MEST: variants seen among roughly 807,000 people sequenced by gnomAD.
The protein encoded by MEST is mesoderm specific transcript, also known as mesoderm-specific transcript homolog protein.
Under a neutral mutation model 50.9 loss-of-function variants are expected in MEST, and 18 were observed. The observed-to-expected ratio is 0.35, with a 90% confidence interval of 0.24 to 0.52. MEST has a LOEUF of 0.52. Ranked by LOEUF, MEST falls within the 20% of genes least tolerant of loss-of-function variation. The pLI, the probability that MEST is intolerant of heterozygous loss-of-function variation, is 0.94. For missense variants in MEST, 282 were observed against 425.3 expected (o/e 0.66, Z 2.96); for synonymous variants, 130 against 154.1 (o/e 0.84, Z 1.16).
upstream of MEST, chr7:130,489,900 G>A (rs1798734027): frequency 6.6e-6 from 1 of 152,120 alleles, no homozygotes; most frequent in African/African-American, 2.4e-5. Flanking sequence ...TTCAGAATAA[G>A]ATCTTTTGTG....
At chr7:130,494,662 A>G (rs1798971833) in intron 1 of MEST, 1 of 158,190 alleles carries the variant, frequency 6.3e-6, no homozygotes, top group Admixed American at 6.5e-5. Context: ...TGACCTCTCA[A>G]GAGATTAGAT....
intron 11 of MEST, among the ~76,000 whole-genome samples, chr7:130,504,519 G>A (rs907082318): frequency 2.6e-5 from 4 of 152,206 alleles, no homozygotes; most frequent in Non-Finnish European, 5.9e-5. Flanking sequence ...ATACAAGCTA[G>A]TAGTAAACAG....
Position 130,500,799 on chromosome 7 carries a change from G to A in MEST, c.658G>A (p.Val220Ile). The A allele has an allele frequency of 1.2e-6, 2 of 1,611,656 alleles. No individual in the cohort carries two copies. The highest frequency in any genetic ancestry group is 1.7e-6 in the Non-Finnish European group (2 of 1,179,212). ...TTTGGACTCTTTCAGTCTCACCCCAGTCTTTGGGCCGTATACTCGGCCCTC... is the reference window on the plus strand; with the variant it reads ...TTTGGACTCTTTCAGTCTCACCCCAATCTTTGGGCCGTATACTCGGCCCTC... Reference protein sequence around the residue: ...FFVFSRGLTPVFGPYTRPSES... With the variant: ...FFVFSRGLTPIFGPYTRPSES... The change falls in exon 9 of 12, where the codon GTC becomes ATC. Residue 220 changes from valine to isoleucine, a missense_variant. Val to Ile is a conservative substitution (Grantham distance 29). Transcript: ENST00000223215. This position sits in a 1 kb window ranked among gnomAD's most constrained non-coding sequence, Gnocchi z 5.0.
At chr7:130,503,822 A>G (rs2116303422) in intron 10 of MEST, 111 bp from the exon 11 acceptor site, 1 of 807,914 alleles carries the variant, frequency 1.2e-6, no homozygotes, top group African/African-American at 1.7e-5. Context: ...TGCCTATTAT[A>G]ATAAAAAAAG....
upstream of MEST, chr7:130,489,637 A>G (rs1456763386): frequency 1.3e-5 from 2 of 152,242 alleles, no homozygotes; most frequent in Non-Finnish European, 2.9e-5. Flanking sequence ...CCAAACAGGA[A>G]TATGCTTTCT....
intron 4 of MEST, 44 bp from the exon 5 acceptor site, chr7:130,498,095 T>A: frequency 1.2e-6 from 2 of 1,614,054 alleles, no homozygotes; most frequent in Non-Finnish European, 8.5e-7. Flanking sequence ...GAGAGAGCTG[T>A]CCTCATGACT....
In MEST at chr7:130,497,749, G is replaced by A. The variant is rs1395038468; in HGVS notation, c.262-187G>A. On this transcript the variant is annotated intron_variant, in intron 3 of 11. Transcript: ENST00000223215. The surrounding 1 kb of genome is among the most constrained non-coding windows in gnomAD (Gnocchi z 4.0). ...CTGCCAAGTTACCCTCCCTCAACAG[G>A]GATTAATTACCAGGAATAAAGCATT... 1.6e-6 allele frequency: 1 copy of A among 616,048 alleles called. No homozygotes were observed. Among genetic ancestry groups the A allele is most frequent in the African/African-American group, 1.8e-5 (1 of 54,286 alleles). The allele number at this position is 616,048 out of a possible 1,614,324, so 38.2% of individuals were successfully genotyped here.
Position 130,500,453 on chromosome 7 carries a change from C to G in MEST, c.577-9C>G, listed in dbSNP as rs1799232667. The G allele has an allele frequency of 6.2e-7, 1 of 1,612,494 alleles. No individual in the cohort carries two copies. The highest frequency in any genetic ancestry group is 8.5e-7 in the Non-Finnish European group (1 of 1,179,114). Reference sequence around the variant, plus strand: ...TTCTTGAGCTTTACCTCCACTTATTCCCCTCCAGCTACTCAAAGATGGAGG... The same window carrying G: ...TTCTTGAGCTTTACCTCCACTTATTGCCCTCCAGCTACTCAAAGATGGAGG... On this transcript the variant is annotated splice_polypyrimidine_tract_variant and intron_variant, in intron 7 of 11. Transcript: ENST00000223215. This position sits in a 1 kb window ranked among gnomAD's most constrained non-coding sequence, Gnocchi z 5.0.
rs1232179083 is a variant in MEST at position 130,492,193 on chromosome 7, C to A, written c.-121C>A. On this transcript the variant is annotated 5_prime_UTR_variant, in exon 1 of 12. Transcript: ENST00000223215. The surrounding 1 kb of genome is among the most constrained non-coding windows in gnomAD (Gnocchi z 7.6). ...GCTGTAGCTGCCCGGCGCGGCGCCG[C>A]CCTGCGCGGGCTGTGGGCTGCGGGC... 2.4e-6 allele frequency: 2 copies of A among 822,852 alleles called. No homozygotes were observed. The highest frequency in any genetic ancestry group is 3.6e-5 in the African/African-American group (2 of 55,088). 51.0% of individuals were successfully genotyped at this position (822,852 alleles called of 1,614,324 possible). A position where few individuals can be genotyped will look rare whatever the true frequency, so the allele number is the denominator to read the frequency against.
rs782702138 is a variant in MEST, at chr7:130,503,994, C to T, written c.888C>T (p.Tyr296=). 3.1e-6 allele frequency: 5 copies of T among 1,611,524 alleles called. No individual in the cohort carries two copies. Among genetic ancestry groups the T allele is most frequent in the Admixed American group, 1.7e-5 (1 of 59,990 alleles). ...VNPYPEFLEL[Y]RKTLPRSTVS... The stretch of plus-strand genomic sequence containing the variant: ...CCTATCCAGAGTTTTTGGAGCTGTA[C>T]AGGTGAGTCTCCCCGAGAGAAGTCT... The change falls in exon 11 of 12, where the codon TAC becomes TAT. Residue 296 remains tyrosine, a splice_region_variant and synonymous_variant. Transcript: ENST00000223215.
intron 2 of MEST, 121 bp downstream of exon 2, chr7:130,495,643 T>C (rs1029856169): frequency 3.7e-6 from 4 of 1,075,988 alleles, no homozygotes; most frequent in Non-Finnish European, 5.2e-6. Flanking sequence ...TATCTCTCTC[T>C]CTTTCTGTGT....
In MEST at chr7:130,506,457, T is replaced by TC. The variant is rs782487183; in HGVS notation, c.*1404dup. ...AAGATCACCCAAAGCTGCACTATCGTCCCAAAGCTGACCAAGTAGAATAAA... is the reference window on the plus strand; with the variant it reads ...AAGATCACCCAAAGCTGCACTATCGTCCCCAAAGCTGACCAAGTAGAATAAA... On this transcript the variant is annotated 3_prime_UTR_variant, in exon 12 of 12. Transcript: ENST00000223215. The TC allele has an allele frequency of 1.1e-4, 37 of 333,364 alleles. No individual in the cohort carries two copies. The highest frequency in any genetic ancestry group is 1.8e-4 in the Non-Finnish European group (34 of 184,482). The allele number at this position is 333,364 out of a possible 1,614,324, so 20.7% of individuals were successfully genotyped here.
Position 130,495,380 on chromosome 7 carries a change from G to A in MEST, c.39G>A (p.Trp13Ter). ...RRDRLRRMREWWVQVGLLAVP... is the reference protein window; with the variant it reads ...RRDRLRRMRE The stretch of plus-strand genomic sequence containing the variant: ...GCTTTTCCTACAGGATGAGGGAGTG[G>A]TGGGTCCAGGTGGGGCTGCTGGCCG... The change falls in exon 2 of 12, where the codon TGG becomes TGA. Residue 13 changes from tryptophan to a stop codon, truncating the protein, a stop_gained. Transcript: ENST00000223215. LOFTEE classifies it high-confidence loss of function. 6.2e-7 allele frequency: 1 copy of A among 1,610,270 alleles called. No homozygotes were observed. Among genetic ancestry groups the A allele is most frequent in the Non-Finnish European group, 8.5e-7 (1 of 1,177,970 alleles).
intron 1 of MEST, 63 bp from the exon 2 acceptor site, chr7:130,495,305 G>A: frequency 1.3e-6 from 2 of 1,502,388 alleles, no homozygotes; most frequent in South Asian, 2.7e-5. Context: ...ACCAGGTTTT[G>A]GTTTGTAGAT....
At chr7:130,490,750 A>C (rs1473839491), upstream of MEST, 1 of 151,792 alleles carries the variant, frequency 6.6e-6, no homozygotes, top group Non-Finnish European at 1.5e-5. Context: ...TTTATTTCGC[A>C]CCCCCGGTTC....
At chr7:130,494,663 G>A (rs552142312) in intron 1 of MEST, 1 of 158,780 alleles carries the variant, frequency 6.3e-6, no homozygotes, top group African/African-American at 2.4e-5. Context: ...GACCTCTCAA[G>A]AGATTAGATA....
At chr7:130,501,009 G>A (rs1446596076) in intron 9 of MEST, 119 bp downstream of exon 9, 6 of 749,314 alleles carry the variant, frequency 8.0e-6, no homozygotes, top group Non-Finnish European at 1.3e-5. Flanking sequence ...ATGACCTATG[G>A]GGCAAACCAA....
At position 130,497,256 on chromosome 7, in the gene MEST, C is replaced by T. The variant is rs370250639; in HGVS notation, c.261+21C>T. 325 of 1,600,658 alleles carry T rather than the reference C, an allele frequency of 2.0e-4. No individual in the cohort carries two copies. Among genetic ancestry groups the T allele is most frequent in the Non-Finnish European group, 2.7e-4 (311 of 1,171,612 alleles). ...ACAAGGTAATGAAGTCAGACTTCTA[C>T]GTCCTACTATGTCTTAAAAAATCTC... On this transcript the variant is annotated intron_variant, in intron 3 of 11. Coordinates refer to ENST00000223215, the MANE Select transcript of MEST (RefSeq NM_002402.4). The surrounding 1 kb of genome is among the most constrained non-coding windows in gnomAD (Gnocchi z 4.0).
rs1554439987 is a variant in MEST, at chr7:130,506,456, G to A, written c.*1400G>A. 2.2e-5 allele frequency: 7 copies of A among 316,712 alleles called. No individual in the cohort carries two copies. The highest frequency in any genetic ancestry group is 1.7e-4 in the East Asian group (3 of 17,270). The allele number at this position is 316,712 out of a possible 1,614,324, so 19.6% of individuals were successfully genotyped here. A position where few individuals can be genotyped will look rare whatever the true frequency, so the allele number is the denominator to read the frequency against. On this transcript the variant is annotated 3_prime_UTR_variant, in exon 12 of 12. Coordinates refer to ENST00000223215, the MANE Select transcript of MEST (RefSeq NM_002402.4). ...CAAGATCACCCAAAGCTGCACTATC[G>A]TCCCAAAGCTGACCAAGTAGAATAA... is the stretch of plus-strand genomic sequence containing the variant.
Sources: allele counts gnomAD v4.1 joint callset (sites outside exome capture counted in the v4.1 genomes callset), GRCh38; gene constraint gnomAD v4.1.1; non-coding constraint Gnocchi (gnomAD v3.1); transcripts MANE v1.5; gene names NCBI Gene and HGNC (gene_info 2026-07-23, HGNC 2026-07-21).